Variants in MGAT5B observed in about 807,000 individuals in gnomAD.
The protein encoded by MGAT5B is N-acetylglucosaminyl-transferase Vb.
A neutral mutation model predicts 95.1 loss-of-function variants in MGAT5B; 54 were observed. The ratio of observed to expected loss-of-function variants is 0.57; its 90% CI spans 0.46 to 0.71. MGAT5B has a LOEUF of 0.71. Ranked by LOEUF, MGAT5B falls within the 30% of genes least tolerant of loss-of-function variation. The pLI is 0.00. For missense variants in MGAT5B, 935 were observed against 1,088.6 expected, an observed-to-expected ratio of 0.86 and a Z score of 1.99; for synonymous variants, 464 against 451.0, an observed-to-expected ratio of 1.03 and a Z score of -0.36.
Position 76,869,200 on chromosome 17 carries a change from G to C in MGAT5B, c.68+103G>C, listed in dbSNP as rs1966902829. On this transcript the variant is annotated intron_variant, in intron 1 of 17. Transcript: ENST00000569840. This position sits in a 1 kb window ranked among gnomAD's most constrained non-coding sequence, Gnocchi z 7.0. Reference sequence around the variant, plus strand: ...TCAAGTCCTGGTGGCAGAGGGGGCGGTTCACACTTCAACCCCTGGTGATGA... The same window carrying C: ...TCAAGTCCTGGTGGCAGAGGGGGCGCTTCACACTTCAACCCCTGGTGATGA... The C allele has an allele frequency of 7.8e-6, 8 of 1,025,626 alleles. No individual in the cohort carries two copies. The highest frequency in any genetic ancestry group is 1.2e-5 in the Non-Finnish European group (8 of 654,188). The allele number at this position is 1,025,626 out of a possible 1,614,324, so 63.5% of individuals were successfully genotyped here.
intron 8 of MGAT5B, among the ~76,000 whole-genome samples, chr17:76,908,212 G>A (rs978683488): frequency 1.7e-4 from 25 of 145,270 alleles, no homozygotes; most frequent in African/African-American, 6.3e-4. Flanking sequence ...GCAATTTTGT[G>A]TTTTGTGGAG....
intron 8 of MGAT5B, among the ~76,000 whole-genome samples, chr17:76,920,921 T>TA (rs1969106326): frequency 6.6e-6 from 1 of 152,160 alleles, no homozygotes; most frequent in South Asian, 2.1e-4. Context: ...GCTTCATAAA[T>TA]ACAGCAGATG....
chr17:76,943,058 G>A (rs941941565), intron 15 of MGAT5B, among the ~76,000 whole-genome samples: 2 of 151,900 alleles, frequency 1.3e-5, no homozygotes, highest in African/African-American at 4.8e-5. Context: ...CCCAGAAAGC[G>A]GGGTCGGGGG....
chr17:76,895,579 C>T (rs1968036999), intron 3 of MGAT5B, among the ~76,000 whole-genome samples: 1 of 152,160 alleles, frequency 6.6e-6, no homozygotes, highest in Admixed American at 6.5e-5. Context: ...TGCTCCTGGC[C>T]TTGACTGATG....
In MGAT5B at chr17:76,914,381, G is replaced by A. The variant is rs78406540; in HGVS notation, c.1025+8194G>A. 0.013 allele frequency among the ~76,000 whole-genome samples: 1,935 copies of A among 152,270 alleles called. 42 individuals carry two copies. The highest frequency in any genetic ancestry group is 0.044 in the African/African-American group (1,845 of 41,538). On this transcript the variant is annotated intron_variant, in intron 8 of 17. Coordinates refer to ENST00000569840, the MANE Select transcript of MGAT5B (RefSeq NM_001199172.2). This position sits in a 1 kb window ranked among gnomAD's most constrained non-coding sequence, Gnocchi z 5.1. ...AGCAGGGGTTACAGAATCGCAGGCA[G>A]GTGTGTTTGCCTCCTGGGGGTGACC...
At chr17:76,945,561 T>A (rs556596289) in intron 15 of MGAT5B, among the ~76,000 whole-genome samples, 94 of 152,312 alleles carry the variant, frequency 6.2e-4, no homozygotes, top group South Asian at 3.9e-3. Context: ...AGTGCTGGGA[T>A]TACAGGCATG....
intron 15 of MGAT5B, 49 bp from the exon 16 acceptor site, chr17:76,946,327 G>A (rs752372250): frequency 1.2e-5 from 18 of 1,524,868 alleles, no homozygotes; most frequent in Middle Eastern, 3.5e-4. Flanking sequence ...CAGGGCCCCC[G>A]ACGGCTGGGC....
rs948069523 is a variant in MGAT5B, at chr17:76,942,489, T to A, written c.1848+1641T>A. ...TTACAGTGAGCCGAGATCATGCCAC[T>A]GCACTCCAGCCTCGGTGACAGAGCG... On this transcript the variant is annotated intron_variant, in intron 15 of 17. Coordinates refer to ENST00000569840, the MANE Select transcript of MGAT5B (RefSeq NM_001199172.2). Among the ~76,000 whole-genome samples the A allele has an allele frequency of 4.6e-5, 7 of 152,138 alleles. No individual in the cohort carries two copies. The East Asian group carries it at 1.3e-3, about 29-fold the overall frequency.
intron 8 of MGAT5B, among the ~76,000 whole-genome samples, chr17:76,913,346 C>A (rs1968811319): frequency 6.6e-6 from 1 of 152,208 alleles, no homozygotes; most frequent in African/African-American, 2.4e-5. Flanking sequence ...TGAACCAATG[C>A]AAACTGGGCC....
At chr17:76,946,296 C>T in intron 15 of MGAT5B, 80 bp from the exon 16 acceptor site, 9 of 1,247,468 alleles carry the variant, frequency 7.2e-6, no homozygotes, top group Non-Finnish European at 1.0e-5. Flanking sequence ...ACCAGACCTC[C>T]ACCCCCAATG....
intron 2 of MGAT5B, among the ~76,000 whole-genome samples, chr17:76,881,410 A>G (rs1452571754): frequency 2.6e-5 from 4 of 152,166 alleles, no homozygotes; most frequent in African/African-American, 7.2e-5. Context: ...GAACACATGC[A>G]TTATGGTTTC....
chr17:76,918,002 G>A lies in MGAT5B; in HGVS notation c.1026-6964G>A, dbSNP rs1273618977. Among the ~76,000 whole-genome samples, 1 of 152,210 alleles carries A rather than the reference G, an allele frequency of 6.6e-6. No individual in the cohort carries two copies. Among genetic ancestry groups the A allele is most frequent in the African/African-American group, 2.4e-5 (1 of 41,456 alleles). On this transcript the variant is annotated intron_variant, in intron 8 of 17. Coordinates refer to ENST00000569840, the MANE Select transcript of MGAT5B (RefSeq NM_001199172.2). The surrounding 1 kb of genome is among the most constrained non-coding windows in gnomAD (Gnocchi z 5.1). ...TCCTCTTCCTGCAGCCGTGCTGGCAGCCAGCGGGGTGAGTGTGTGGTCTCC... is the reference window on the plus strand; with the variant it reads ...TCCTCTTCCTGCAGCCGTGCTGGCAACCAGCGGGGTGAGTGTGTGGTCTCC...
At chr17:76,872,447 A>G (rs1268963315) in intron 1 of MGAT5B, among the ~76,000 whole-genome samples, 1 of 152,178 alleles carries the variant, frequency 6.6e-6, no homozygotes, top group South Asian at 2.1e-4. Flanking sequence ...TCCACCCCAG[A>G]GTATCTGATT....
At position 76,926,597 on chromosome 17, in the gene MGAT5B, G is replaced by C. The variant is rs954351632; in HGVS notation, c.1158G>C (p.Arg386=). The C allele has an allele frequency of 6.2e-7, 1 of 1,609,014 alleles. No homozygotes were observed. Among genetic ancestry groups the C allele is most frequent in the Non-Finnish European group, 8.5e-7 (1 of 1,177,604 alleles). The part of the protein sequence containing the change: ...RHMGLSFKKY[R]CRIRVIDTFG... ...GGTTCCTGGTCCCCTGGGGGGGCAG[G>C]TGCCGAATCAGGGTCATCGACACCT... Residue 386 remains arginine, a splice_region_variant and synonymous_variant, in exon 10 of 18, where the codon CGG becomes CGC. Transcript: ENST00000569840.
chr17:76,942,896 TCTC>T (rs549229869), intron 15 of MGAT5B, among the ~76,000 whole-genome samples: 19 of 152,158 alleles, frequency 1.2e-4, no homozygotes, highest in Admixed American at 3.3e-4. Context: ...CTCTAAGACT[TCTC>T]CTGCAGAGGG....
chr17:76,880,657 C>G (rs1310635161), intron 2 of MGAT5B, among the ~76,000 whole-genome samples: 1 of 152,216 alleles, frequency 6.6e-6, no homozygotes, highest in Non-Finnish European at 1.5e-5. Flanking sequence ...AGCTCAGAGC[C>G]ATTCAATGAC....
At chr17:76,931,531 A>G (rs971684592) in intron 10 of MGAT5B, among the ~76,000 whole-genome samples, 4 of 152,200 alleles carry the variant, frequency 2.6e-5, no homozygotes. Context: ...GCCCATGAGC[A>G]CAGTTCTGTA....
At chr17:76,877,597 G>A (rs1357997773) in intron 2 of MGAT5B, among the ~76,000 whole-genome samples, 1 of 152,202 alleles carries the variant, frequency 6.6e-6, no homozygotes, top group Non-Finnish European at 1.5e-5. Context: ...GGAAGAGCCT[G>A]GTGTGGCCTC....
chr17:76,916,526 C>T lies in MGAT5B; in HGVS notation c.1026-8440C>T, dbSNP rs1332971043. Among the ~76,000 whole-genome samples, 3 of 152,184 alleles carry T rather than the reference C, an allele frequency of 2.0e-5. No individual in the cohort carries two copies. The highest frequency in any genetic ancestry group is 6.5e-5 in the Admixed American group (1 of 15,288). ...AAGAAATGAGGACAGACCAGGCCCT[C>T]GGCTCATACCCGTAACCCCAGCACT... On this transcript the variant is annotated intron_variant, in intron 8 of 17. Transcript: ENST00000569840. The surrounding 1 kb of genome is among the most constrained non-coding windows in gnomAD (Gnocchi z 5.3).
Sources: gnomAD v4.1 joint callset for allele counts (sites outside exome capture counted in the v4.1 genomes callset) on GRCh38, gnomAD v4.1.1 for gene constraint, Gnocchi (gnomAD v3.1) non-coding constraint, MANE v1.5 for transcripts, NCBI Gene and HGNC (gene_info 2026-07-23, HGNC 2026-07-21) for gene names.